The following UPRT variants were observed in gnomAD, a reference collection of about 807,000 sequenced individuals.
The protein encoded by UPRT is RP11-311P8.3.
Under a neutral mutation model 22.6 loss-of-function variants are expected in UPRT, and 5 were observed. The ratio of observed to expected loss-of-function variants is 0.22; its 90% confidence interval spans 0.12 to 0.47. The LOEUF (loss-of-function observed/expected upper bound fraction) is 0.47, where lower values mean the gene tolerates loss of function less well. UPRT is among the 20% of genes least tolerant of loss of function. UPRT has a pLI of 0.99. For synonymous variants in UPRT, 77 were observed against 87.7 expected (o/e 0.88, Z 0.68); for missense variants, 181 against 239.9 (o/e 0.75, Z 1.62).
chrX:75,260,980 A>G (rs1371551229), intron 4 of UPRT, among the ~76,000 whole-genome samples: 1 of 112,112 alleles, frequency 8.9e-6, no homozygotes, highest in Non-Finnish European at 1.9e-5. Context: ...CATGGAAACT[A>G]AACAACTTGC....
chrX:75,236,813 G>A (rs2082466967), intron 4 of UPRT, among the ~76,000 whole-genome samples: 1 of 112,293 alleles, frequency 8.9e-6, no homozygotes, highest in African/African-American at 3.2e-5. Flanking sequence ...ATGGATTAAA[G>A]ACTTAAACGT....
chrX:75,156,684 T>C lies in UPRT; in HGVS notation c.-737+134T>C, dbSNP rs1181965490. Reference sequence around the variant, plus strand: ...TACCTCCTCCAACTCAATGTCACGCTCCCCTCTCTCCATTTTCCCTATGCA... The same window carrying C: ...TACCTCCTCCAACTCAATGTCACGCCCCCCTCTCTCCATTTTCCCTATGCA... On this transcript the variant is annotated intron_variant, in intron 1 of 13. Coordinates refer to the UPRT transcript ENST00000652605. 20 of 337,466 alleles carry C rather than the reference T, an allele frequency of 5.9e-5. 1 individual carries two copies. The highest frequency in any genetic ancestry group is 5.6e-4 in the Admixed American group (18 of 32,076). 27.8% of individuals were successfully genotyped at this position (337,466 alleles called of 1,213,427 possible).
intron 3 of UPRT, among the ~76,000 whole-genome samples, chrX:75,167,408 G>T (rs6647650): frequency 0.13 from 14,245 of 111,263 alleles, 1,565 homozygotes; most frequent in East Asian, 0.9. Context: ...AGCATGAATT[G>T]TACGACTTCA....
intron 4 of UPRT, among the ~76,000 whole-genome samples, chrX:75,267,674 G>A (rs912445756): frequency 1.8e-5 from 2 of 111,897 alleles, no homozygotes; most frequent in Non-Finnish European, 3.8e-5. Context: ...GGTAAATAAC[G>A]AAATTAAGGT....
At chrX:75,239,777 A>T (rs901039629) in intron 4 of UPRT, among the ~76,000 whole-genome samples, 1 of 111,828 alleles carries the variant, frequency 8.9e-6, no homozygotes, top group Non-Finnish European at 1.9e-5. Context: ...CATACCAGGG[A>T]TGCAGAGTTG....
chrX:75,297,750 C>T (rs41307373), intron 4 of UPRT, 197 bp downstream of exon 4: 36,356 of 448,656 alleles, frequency 0.081, 1,223 homozygotes, highest in Admixed American at 0.11. Context: ...AACTACAGAG[C>T]GTATTCCCTA....
At chrX:75,186,655 C>G (rs1280526932) in intron 4 of UPRT, among the ~76,000 whole-genome samples, 1 of 111,747 alleles carries the variant, frequency 8.9e-6, no homozygotes, top group African/African-American at 3.3e-5. Flanking sequence ...GTGTGGGAGT[C>G]TAAGTCACTT....
At chrX:75,208,157 G>A (rs1475349449) in intron 4 of UPRT, among the ~76,000 whole-genome samples, 1 of 111,902 alleles carries the variant, frequency 8.9e-6, no homozygotes, top group Non-Finnish European at 1.9e-5. Flanking sequence ...TGGAGAGTTA[G>A]GGGTTAGGAC....
At chrX:75,279,141 C>T (rs541700304) in intron 1 of UPRT, among the ~76,000 whole-genome samples, 1 of 110,772 alleles carries the variant, frequency 9.0e-6, no homozygotes, top group South Asian at 3.9e-4. Context: ...CCCTTGTGTG[C>T]TGATTTGCTA....
At chrX:75,170,435 T>G (rs2082224042) in intron 4 of UPRT, among the ~76,000 whole-genome samples, 1 of 111,839 alleles carries the variant, frequency 8.9e-6, no homozygotes, top group Non-Finnish European at 1.9e-5. Context: ...GAATATCTTT[T>G]TCCACCCCTT....
At chrX:75,250,756 A>C (rs2082526402) in intron 4 of UPRT, among the ~76,000 whole-genome samples, 1 of 111,377 alleles carries the variant, frequency 9.0e-6, no homozygotes, top group African/African-American at 3.3e-5. Flanking sequence ...GAGACACAAC[A>C]AAAAAAGAGA....
At chrX:75,206,290 C>T (rs1336819573) in intron 4 of UPRT, among the ~76,000 whole-genome samples, 3 of 111,015 alleles carry the variant, frequency 2.7e-5, no homozygotes, top group Admixed American at 9.6e-5. Context: ...ACTTGTTTTA[C>T]GGGGTGCATG....
At chrX:75,243,853 A>G (rs956566880) in intron 4 of UPRT, among the ~76,000 whole-genome samples, 1 of 111,765 alleles carries the variant, frequency 8.9e-6, no homozygotes, top group African/African-American at 3.2e-5. Context: ...TACTGCTAAT[A>G]ATACTATACT....
Position 75,170,899 on chromosome X carries a change from C to T in UPRT, c.-447+3020C>T, listed in dbSNP as rs151202517. Reference sequence around the variant, plus strand: ...TTATTTAAGGAAGTTAACAATAGGACCCCAATCCCTTCTAACTTGTAGGGT... The same window carrying T: ...TTATTTAAGGAAGTTAACAATAGGATCCCAATCCCTTCTAACTTGTAGGGT... On this transcript the variant is annotated intron_variant, in intron 4 of 13. Transcript: ENST00000652605. Among the ~76,000 whole-genome samples, 364 of 111,584 alleles carry T rather than the reference C, an allele frequency of 3.3e-3. 2 individuals carry two copies. The highest frequency in any genetic ancestry group is 0.011 in the African/African-American group (349 of 30,742).
chrX:75,243,984 C>A (rs1452228960), intron 4 of UPRT, among the ~76,000 whole-genome samples: 1 of 111,420 alleles, frequency 9.0e-6, no homozygotes, highest in African/African-American at 3.3e-5. Context: ...GCATTATGTG[C>A]CAGGTGAAAA....
Position 75,228,019 on chromosome X carries a change from A to T in UPRT, c.-447+60140A>T, listed in dbSNP as rs6647665. Among the ~76,000 whole-genome samples, 9,397 of 111,842 alleles carry T rather than the reference A, an allele frequency of 0.084. 1,266 individuals carry two copies. The East Asian group carries it at 0.89, about 11-fold the overall frequency. On this transcript the variant is annotated intron_variant, in intron 4 of 13. Coordinates refer to the UPRT transcript ENST00000652605. ...TTTGGAATTAAGCTTTTTATCTGTTATAAGCTGGGTACCTCTGGAAACAGA... is the reference window on the plus strand; with the variant it reads ...TTTGGAATTAAGCTTTTTATCTGTTTTAAGCTGGGTACCTCTGGAAACAGA...
intron 4 of UPRT, among the ~76,000 whole-genome samples, chrX:75,173,258 G>A (rs930032549): frequency 4.7e-5 from 5 of 105,672 alleles, no homozygotes; most frequent in Non-Finnish European, 5.8e-5. Context: ...ATAGAGTGCT[G>A]ATTGGTGTAT....
chrX:75,272,796 C>T (rs1474655506), upstream of UPRT, among the ~76,000 whole-genome samples: 1 of 110,800 alleles, frequency 9.0e-6, no homozygotes, highest in Admixed American at 9.6e-5. Flanking sequence ...GACAGAAATA[C>T]CATTCAACTC....
intron 4 of UPRT, among the ~76,000 whole-genome samples, chrX:75,251,418 A>G (rs977552118): frequency 9.0e-6 from 1 of 111,402 alleles, no homozygotes; most frequent in Non-Finnish European, 1.9e-5. Context: ...TACACCAATA[A>G]CAGACAAACA....
Sources: gnomAD v4.1 joint callset for allele counts (sites outside exome capture counted in the v4.1 genomes callset) on GRCh38, gnomAD v4.1.1 for gene constraint, MANE v1.5 for transcripts, NCBI Gene and HGNC (gene_info 2026-07-23, HGNC 2026-07-21) for gene names.